The following MAL2 variants were observed in gnomAD, a reference collection of about 807,000 sequenced individuals.
MAL2 encodes the protein mal, T cell differentiation protein 2.
A neutral mutation model predicts 18.1 loss-of-function variants in MAL2; 17 were observed. That is an observed-to-expected ratio of 0.94 (90% CI 0.64 to 1.41). The LOEUF (loss-of-function observed/expected upper bound fraction) is 1.41. MAL2 is among the 40% of genes most tolerant of loss of function. The pLI is 0.00. For synonymous variants in MAL2, 102 were observed against 102.3 expected (o/e 1.00, Z 0.02); for missense variants, 222 against 231.9 (o/e 0.96, Z 0.28).
chr8:119,228,712 G>A (rs1342024399), intron 2 of MAL2, among the ~76,000 whole-genome samples: 1 of 152,160 alleles, frequency 6.6e-6, no homozygotes, highest in African/African-American at 2.4e-5. Flanking sequence ...ATAGCTGGTG[G>A]CTCAAGCTCA....
chr8:119,237,473 G>A (rs1397153005), intron 2 of MAL2, among the ~76,000 whole-genome samples: 1 of 151,562 alleles, frequency 6.6e-6, no homozygotes, highest in Non-Finnish European at 1.5e-5. Context: ...AAGCCGGGCA[G>A]AGAGACAACC....
chr8:119,242,562 A>G (rs1389347376), intron 3 of MAL2, among the ~76,000 whole-genome samples: 2 of 152,208 alleles, frequency 1.3e-5, no homozygotes, highest in African/African-American at 2.4e-5. Flanking sequence ...TATTGCTGTC[A>G]TTCAGAAAAC....
chr8:119,212,180 T>G (rs533951835), intron 1 of MAL2, among the ~76,000 whole-genome samples: 1 of 152,318 alleles, frequency 6.6e-6, no homozygotes, highest in Non-Finnish European at 1.5e-5. Flanking sequence ...AACAAGATAT[T>G]TAGGATCCCT....
At chr8:119,243,393 G>T in intron 3 of MAL2, 24 bp from the exon 4 acceptor site, 1 of 1,553,908 alleles carries the variant, frequency 6.4e-7, no homozygotes, top group Non-Finnish European at 8.7e-7. Context: ...AATCTGATGT[G>T]AATTTTTGTT....
chr8:119,239,459 ACACATG>A (rs961315728), intron 2 of MAL2, among the ~76,000 whole-genome samples: 10 of 152,082 alleles, frequency 6.6e-5, no homozygotes, highest in Admixed American at 2.0e-4. Flanking sequence ...TGCTATAAAG[ACACATG>A]CACATGTATG....
intron 1 of MAL2, among the ~76,000 whole-genome samples, chr8:119,211,953 A>G (rs1817273823): frequency 6.6e-6 from 1 of 152,200 alleles, no homozygotes; most frequent in African/African-American, 2.4e-5. Flanking sequence ...TATTTACTGA[A>G]TACCTACTAT....
intron 2 of MAL2, among the ~76,000 whole-genome samples, chr8:119,228,732 A>G (rs750931220): frequency 1.2e-4 from 18 of 152,236 alleles, no homozygotes; most frequent in Non-Finnish European, 1.8e-4. Context: ...AGAGAGTCAT[A>G]AAAGCAAATT....
chr8:119,222,180 G>A (rs1008719253), intron 2 of MAL2, among the ~76,000 whole-genome samples: 1 of 151,920 alleles, frequency 6.6e-6, no homozygotes. Flanking sequence ...AAAAGGGCAT[G>A]TTTCATATTG....
At chr8:119,236,758 C>A (rs1168493800) in intron 2 of MAL2, among the ~76,000 whole-genome samples, 5 of 150,530 alleles carry the variant, frequency 3.3e-5, no homozygotes, top group Admixed American at 6.6e-5. Context: ...AACAAAGACA[C>A]AACATAGCAG....
chr8:119,230,510 G>A (rs1455126080), intron 2 of MAL2, among the ~76,000 whole-genome samples: 1 of 152,124 alleles, frequency 6.6e-6, no homozygotes, highest in Non-Finnish European at 1.5e-5. Flanking sequence ...AATACCATGT[G>A]TAAAGAGTAG....
intron 2 of MAL2, among the ~76,000 whole-genome samples, chr8:119,222,702 C>T (rs1229596509): frequency 6.6e-6 from 1 of 151,660 alleles, no homozygotes; most frequent in Non-Finnish European, 1.5e-5. Flanking sequence ...GTGTTGCACT[C>T]CTGTAGTCCC....
At chr8:119,210,863 C>T (rs904597987) in intron 1 of MAL2, among the ~76,000 whole-genome samples, 5 of 152,062 alleles carry the variant, frequency 3.3e-5, no homozygotes, top group African/African-American at 1.2e-4. Context: ...CCTTTATCTC[C>T]TTTACTTGAA....
At position 119,244,037 on chromosome 8, in the gene MAL2, A is replaced by G; in HGVS notation, c.*549A>G. ...TATAGCGTGAAAGCAGCTATACACAATACAGAAATGAATGAGTGTGGTTAT... is the reference window on the plus strand; with the variant it reads ...TATAGCGTGAAAGCAGCTATACACAGTACAGAAATGAATGAGTGTGGTTAT... On this transcript the variant is annotated 3_prime_UTR_variant, in exon 4 of 4. Transcript: ENST00000614891. The G allele has an allele frequency of 6.6e-6, 1 of 152,300 alleles. No individual in the cohort carries two copies. Among genetic ancestry groups the G allele is most frequent in the East Asian group, 1.9e-4 (1 of 5,174 alleles). The allele number at this position is 152,300 out of a possible 1,614,324, so 9.4% of individuals were successfully genotyped here.
At chr8:119,231,041 GTTTGT>G (rs1187283619) in intron 2 of MAL2, among the ~76,000 whole-genome samples, 2 of 151,090 alleles carry the variant, frequency 1.3e-5, no homozygotes, top group Non-Finnish European at 3.0e-5. Flanking sequence ...TTTATTTTTT[GTTTGT>G]TTTGAGGCAG....
intron 1 of MAL2, among the ~76,000 whole-genome samples, chr8:119,219,223 A>G (rs72684223): frequency 0.14 from 21,193 of 152,200 alleles, 1,749 homozygotes; most frequent in Non-Finnish European, 0.19. Flanking sequence ...CACCACAACT[A>G]TACATTTTTT....
intron 2 of MAL2, among the ~76,000 whole-genome samples, chr8:119,232,104 T>G (rs1294963062): frequency 6.7e-6 from 1 of 149,978 alleles, no homozygotes; most frequent in Admixed American, 6.6e-5. Flanking sequence ...TTTTATATAT[T>G]TTTTTATATA....
intron 2 of MAL2, among the ~76,000 whole-genome samples, chr8:119,233,175 G>A (rs898936562): frequency 9.2e-5 from 14 of 152,190 alleles, no homozygotes; most frequent in Non-Finnish European, 1.9e-4. Flanking sequence ...TCAAAGCAGT[G>A]TGTAGAGGGA....
Position 119,208,413 on chromosome 8 carries a change from CG to C in MAL2, c.-57del. ...GGCGGCGGCGGCGGCGGCAGGAGCC[CG>C]GGAGGCGGAGGCGGGAGGCGGCGGC... On this transcript the variant is annotated 5_prime_UTR_variant, in exon 1 of 4. Coordinates refer to ENST00000614891, the MANE Select transcript of MAL2 (RefSeq NM_052886.3). The surrounding 1 kb of genome is among the most constrained non-coding windows in gnomAD (Gnocchi z 4.3). 1 of 993,396 alleles carries C rather than the reference CG, an allele frequency of 1.0e-6. No homozygotes were observed. The highest frequency in any genetic ancestry group is 1.2e-6 in the Non-Finnish European group (1 of 816,464). The allele number at this position is 993,396 out of a possible 1,614,324, so 61.5% of individuals were successfully genotyped here. A position where few individuals can be genotyped will look rare whatever the true frequency, so the allele number is the denominator to read the frequency against.
At chr8:119,232,177 ATAAATAT>A (rs1198014726) in intron 2 of MAL2, among the ~76,000 whole-genome samples, 2 of 152,094 alleles carry the variant, frequency 1.3e-5, no homozygotes, top group African/African-American at 2.4e-5. Flanking sequence ...TCCACAATGT[ATAAATAT>A]TTAAAAACAT....
Sources: gnomAD v4.1 joint callset for allele counts (sites outside exome capture counted in the v4.1 genomes callset) on GRCh38, gnomAD v4.1.1 for gene constraint, Gnocchi (gnomAD v3.1) non-coding constraint, MANE v1.5 for transcripts, NCBI Gene and HGNC (gene_info 2026-07-23, HGNC 2026-07-21) for gene names.